The following PRKG2 variants were observed in gnomAD, a reference collection of about 807,000 sequenced individuals.
PRKG2 encodes cGMP-dependent protein kinase 2.
Under a neutral mutation model 97.2 loss-of-function variants are expected in PRKG2, and 33 were observed. That is an observed-to-expected ratio of 0.34 (90% confidence interval 0.26 to 0.45). The LOEUF (loss-of-function observed/expected upper bound fraction) is 0.45. PRKG2 is among the 20% of genes least tolerant of loss of function. The pLI is 1.00. For missense variants in PRKG2, 638 were observed against 900.0 expected, an observed-to-expected ratio of 0.71 and a Z score of 3.73; for synonymous variants, 330 against 321.8, an observed-to-expected ratio of 1.03 and a Z score of -0.27.
chr4:81,154,815 T>C (rs986161436), intron 6 of PRKG2, among the ~76,000 whole-genome samples: 11 of 152,030 alleles, frequency 7.2e-5, no homozygotes, highest in African/African-American at 2.7e-4. Flanking sequence ...ACGATCAAAT[T>C]ACTCTGAGCT....
In PRKG2 at chr4:81,204,780, C is replaced by T; in HGVS notation, c.268G>A (p.Gly90Arg). ...NKLQDVVHMQ[G>R]GSPLQASPDK... ...GGAGAGGCCTGAAGCGGGCTTCCTCCCTGCATATGCACCACATCCTGCAGC... is the reference window on the plus strand; with the variant it reads ...GGAGAGGCCTGAAGCGGGCTTCCTCTCTGCATATGCACCACATCCTGCAGC... The change falls in exon 2 of 19, where the codon GGA becomes AGA. Residue 90 changes from glycine (G) to arginine (R), a missense_variant. Physicochemically the swap from Gly to Arg is moderately radical, Grantham distance 125. Coordinates refer to ENST00000264399, the MANE Select transcript of PRKG2 (RefSeq NM_006259.3). The T allele has an allele frequency of 1.2e-6, 2 of 1,614,168 alleles. No individual in the cohort carries two copies. Among genetic ancestry groups the T allele is most frequent in the Non-Finnish European group, 1.7e-6 (2 of 1,180,036 alleles).
intron 14 of PRKG2, among the ~76,000 whole-genome samples, chr4:81,116,611 T>C (rs1161118888): frequency 1.3e-5 from 2 of 152,162 alleles, no homozygotes; most frequent in Non-Finnish European, 2.9e-5. Context: ...CTTTCCACAA[T>C]AGCTGAACTA....
At chr4:81,187,993 A>C (rs187576375) in intron 2 of PRKG2, among the ~76,000 whole-genome samples, 3,073 of 152,274 alleles carry the variant, frequency 0.02, 102 homozygotes, top group African/African-American at 0.07. Context: ...CACCAAAAGC[A>C]ATGGCAACAA....
At chr4:81,155,576 G>T (rs1302964213) in intron 6 of PRKG2, among the ~76,000 whole-genome samples, 5 of 151,866 alleles carry the variant, frequency 3.3e-5, no homozygotes, top group African/African-American at 1.2e-4. Context: ...GAAATACAGA[G>T]AACGCCACAA....
At chr4:81,172,377 C>A (rs955353249) in intron 3 of PRKG2, among the ~76,000 whole-genome samples, 2 of 152,144 alleles carry the variant, frequency 1.3e-5, no homozygotes, top group African/African-American at 4.8e-5. Flanking sequence ...TGGAATCAGA[C>A]TGCCTGGCTG....
At chr4:81,136,447 T>C (rs1158411545) in intron 13 of PRKG2, among the ~76,000 whole-genome samples, 1 of 152,172 alleles carries the variant, frequency 6.6e-6, no homozygotes, top group Non-Finnish European at 1.5e-5. Context: ...CAGGTCTGAC[T>C]GTAAATATGT....
chr4:81,099,180 G>T (rs968252529), intron 17 of PRKG2, among the ~76,000 whole-genome samples: 2 of 152,108 alleles, frequency 1.3e-5, no homozygotes, highest in Non-Finnish European at 2.9e-5. Flanking sequence ...TTCTGAGAAA[G>T]ATTATTTAAT....
chr4:81,187,424 AC>A (rs978832643), intron 2 of PRKG2, among the ~76,000 whole-genome samples: 3 of 152,024 alleles, frequency 2.0e-5, no homozygotes, highest in Non-Finnish European at 4.4e-5. Context: ...AAAATTCAAC[AC>A]CCCTATGTGC....
rs953845147 is a variant in PRKG2, at chr4:81,197,013, T to C, written c.461+7574A>G. ...TCAGATCTGTTCCCCTTCTTGAGAA[T>C]TGTATTGCAATTTAAACTCTAGAAA... On this transcript the variant is annotated intron_variant, in intron 2 of 18. Coordinates refer to ENST00000264399, the MANE Select transcript of PRKG2 (RefSeq NM_006259.3). 3.3e-5 allele frequency among the ~76,000 whole-genome samples: 5 copies of C among 152,300 alleles called. No homozygotes were observed. In the East Asian group the frequency reaches 7.7e-4, roughly 24 times the overall value.
chr4:81,146,456 T>C (rs1258938318), intron 9 of PRKG2, among the ~76,000 whole-genome samples: 1 of 152,146 alleles, frequency 6.6e-6, no homozygotes, highest in Non-Finnish European at 1.5e-5. Flanking sequence ...GCTCTTGCCA[T>C]ACAAAAGGGT....
At chr4:81,156,281 T>C (rs1279867724) in intron 6 of PRKG2, among the ~76,000 whole-genome samples, 1 of 152,130 alleles carries the variant, frequency 6.6e-6, no homozygotes, top group Non-Finnish European at 1.5e-5. Flanking sequence ...GTTGCAATCC[T>C]AGTCTCTGAT....
In PRKG2 at chr4:81,119,933, C is replaced by A. The variant is rs117647382; in HGVS notation, c.1777-9322G>T. ...TTGTGATCCGCCCACCTCAGCCTCC[C>A]AAACAAATTGAATTGAATTTATAGA... is the stretch of plus-strand genomic sequence containing the variant. On this transcript the variant is annotated intron_variant, in intron 14 of 18. Transcript: ENST00000264399. 2.1e-3 allele frequency among the ~76,000 whole-genome samples: 324 copies of A among 152,250 alleles called. 16 individuals are homozygous for A. In the East Asian group the frequency reaches 0.054, roughly 25 times the overall value.
At chr4:81,179,858 T>A (rs144681230) in intron 2 of PRKG2, among the ~76,000 whole-genome samples, 1 of 152,028 alleles carries the variant, frequency 6.6e-6, no homozygotes, top group Non-Finnish European at 1.5e-5. Context: ...CTAACAAGGA[T>A]AGGCCGGGCG....
At chr4:81,215,364 T>C (rs1193853985), upstream of PRKG2, among the ~76,000 whole-genome samples, 1 of 152,188 alleles carries the variant, frequency 6.6e-6, no homozygotes, top group Non-Finnish European at 1.5e-5. Context: ...GCCCGAACCT[T>C]TACTCCCGAC....
At position 81,168,049 on chromosome 4, in the gene PRKG2, AT is replaced by A. The variant is rs200345548; in HGVS notation, c.849-826del. Among the ~76,000 whole-genome samples the A allele has an allele frequency of 3.0e-3, 369 of 121,252 alleles. 4 individuals are homozygous for A. The South Asian group carries it at 0.048, about 16-fold the overall frequency. The allele number at this position is 121,252 out of a possible 152,430, so 79.5% of individuals were successfully genotyped here. On this transcript the variant is annotated intron_variant, in intron 5 of 18. Transcript: ENST00000264399. ...ATAATAAAAAATGTAAATAAAAAAA[AT>A]ACTGTATATTATGAAACAAAGAGAA...
At chr4:81,167,679 G>T (rs1223438836) in intron 5 of PRKG2, among the ~76,000 whole-genome samples, 1 of 151,924 alleles carries the variant, frequency 6.6e-6, no homozygotes. Flanking sequence ...GGTTGGGAGG[G>T]AACATGGGAA....
At chr4:81,217,397 A>G (rs788857), upstream of PRKG2, among the ~76,000 whole-genome samples, 58,124 of 151,966 alleles carry the variant, frequency 0.38, 12,861 homozygotes, top group African/African-American at 0.61. Flanking sequence ...TCACCCAGCT[A>G]GGAAGAGTTT....
intron 15 of PRKG2, among the ~76,000 whole-genome samples, chr4:81,109,174 T>C (rs1007170387): frequency 1.3e-5 from 2 of 152,062 alleles, no homozygotes; most frequent in African/African-American, 4.8e-5. Context: ...TTACAGACAA[T>C]ATAAAATGGT....
chr4:81,171,769 G>A lies in PRKG2; in HGVS notation c.664C>T (p.Leu222=). The change falls in exon 4 of 19, where the codon CTG becomes TTG. Residue 222 remains leucine (L), a synonymous_variant. Transcript: ENST00000264399. ...GTGGTCCACATAGGGATGGAGGACA[G>A]CAATTTCTCCCCTTGGAACACCTCT... is the stretch of plus-strand genomic sequence containing the variant. ...RLEVFQGEKL[L]SSIPMWTTFG... 6.2e-7 allele frequency: 1 copy of A among 1,611,166 alleles called. No homozygotes were observed. Among genetic ancestry groups the A allele is most frequent in the South Asian group, 1.1e-5 (1 of 90,630 alleles).
Sources: allele counts gnomAD v4.1 joint callset (sites outside exome capture counted in the v4.1 genomes callset), GRCh38; gene constraint gnomAD v4.1.1; transcripts MANE v1.5; gene names NCBI Gene and HGNC (gene_info 2026-07-23, HGNC 2026-07-21).